RBFOX1: variants seen among roughly 807,000 people sequenced by gnomAD.
The protein encoded by RBFOX1 is RNA binding protein fox-1 homolog 1.
A neutral mutation model predicts 57.7 loss-of-function variants in RBFOX1; 8 were observed. That is an observed-to-expected ratio of 0.14 (90% confidence interval 0.08 to 0.25). The LOEUF (loss-of-function observed/expected upper bound fraction) is 0.25. Ranked by LOEUF, RBFOX1 falls within the 10% of genes least tolerant of loss-of-function variation. The probability of loss-of-function intolerance (pLI) is 1.00; values close to 1 mark genes in which losing one functional copy is unlikely to be tolerated. For missense variants in RBFOX1, 611 were observed against 548.5 expected (o/e 1.11, Z -1.14); for synonymous variants, 326 against 222.4 (o/e 1.47, Z -4.15).
intron 2 of RBFOX1, among the ~76,000 whole-genome samples, chr16:6,620,356 G>C (rs762275269): frequency 6.6e-6 from 1 of 152,132 alleles, no homozygotes; most frequent in South Asian, 2.1e-4. Context: ...AGTGTTAAGA[G>C]GGAAATGTAT....
At chr16:6,135,100 G>A (rs1428677993) in intron 1 of RBFOX1, among the ~76,000 whole-genome samples, 7 of 152,068 alleles carry the variant, frequency 4.6e-5, no homozygotes, top group Admixed American at 4.6e-4. Flanking sequence ...GTGGTGTTTG[G>A]TATTTTGTCC....
chr16:5,695,669 G>T (rs939288833), intron 3 of RBFOX1, among the ~76,000 whole-genome samples: 6 of 152,176 alleles, frequency 3.9e-5, no homozygotes, highest in Admixed American at 3.9e-4. Flanking sequence ...GAAAAGAAAA[G>T]AAATTGCACC....
rs369556481 is a variant in RBFOX1 at position 6,890,284 on chromosome 16, C to T, written c.-15-161773C>T. ...CTGTAATCCTGGCACTTTGGGAGGC[C>T]GAGGCAGGTGGATTGCTTGAGGTCA... is the stretch of plus-strand genomic sequence containing the variant. On this transcript the variant is annotated intron_variant, in intron 3 of 15. Coordinates refer to ENST00000550418, the MANE Select transcript of RBFOX1 (RefSeq NM_018723.4). 8.5e-5 allele frequency among the ~76,000 whole-genome samples: 13 copies of T among 152,158 alleles called. 2 individuals carry two copies. Among genetic ancestry groups the T allele is most frequent in the East Asian group, 1.9e-4 (1 of 5,166 alleles).
chr16:7,204,208 A>T (rs770036807), intron 4 of RBFOX1, among the ~76,000 whole-genome samples: 1 of 152,176 alleles, frequency 6.6e-6, no homozygotes, highest in Admixed American at 6.5e-5. Context: ...TCAATGAACC[A>T]TCTCATCCTA....
intron 11 of RBFOX1, among the ~76,000 whole-genome samples, chr16:7,650,566 C>T (rs1568282812): frequency 6.6e-6 from 1 of 151,620 alleles, no homozygotes. Context: ...CACGTGCTCC[C>T]CTCTCTCTCT....
chr16:7,133,285 C>T (rs1041213962), intron 4 of RBFOX1, among the ~76,000 whole-genome samples: 3 of 152,026 alleles, frequency 2.0e-5, no homozygotes, highest in Non-Finnish European at 4.4e-5. Context: ...GTATATAAGC[C>T]ATGGAGAGTA....
intron 2 of RBFOX1, among the ~76,000 whole-genome samples, chr16:6,359,417 G>C (rs1315209474): frequency 6.6e-6 from 1 of 152,110 alleles, no homozygotes; most frequent in Non-Finnish European, 1.5e-5. Flanking sequence ...TTGACTGTTG[G>C]TGATCTTCAT....
At chr16:5,967,634 T>TAA (rs1437530125) in intron 4 of RBFOX1, among the ~76,000 whole-genome samples, 1 of 152,228 alleles carries the variant, frequency 6.6e-6, no homozygotes, top group Non-Finnish European at 1.5e-5. Context: ...ATCCATGTTT[T>TAA]ACACTTCAGG....
intron 3 of RBFOX1, among the ~76,000 whole-genome samples, chr16:5,672,754 T>G (rs1239605348): frequency 6.6e-6 from 1 of 152,130 alleles, no homozygotes. Flanking sequence ...TGCCTGTAAT[T>G]TGTGTGGCTC....
At chr16:5,984,023 T>G (rs1220687057) in intron 4 of RBFOX1, among the ~76,000 whole-genome samples, 1 of 134,470 alleles carries the variant, frequency 7.4e-6, no homozygotes, top group East Asian at 2.3e-4. Flanking sequence ...CTTTTCTTCC[T>G]TCTTCCTTCT....
intron 11 of RBFOX1, 75 bp from the exon 12 acceptor site, chr16:7,653,740 G>A (rs2065630824): frequency 3.8e-6 from 6 of 1,589,820 alleles, no homozygotes; most frequent in East Asian, 2.2e-5. Flanking sequence ...AAGGGTTCCC[G>A]GGGCAGTTCC....
intron 3 of RBFOX1, among the ~76,000 whole-genome samples, chr16:5,659,549 C>T (rs570114911): frequency 5.1e-4 from 78 of 152,050 alleles, no homozygotes; most frequent in Middle Eastern, 6.8e-3. Context: ...GTGATCCGTC[C>T]GCCTCGGCCT....
At chr16:5,898,979 C>G (rs2058236977) in intron 4 of RBFOX1, among the ~76,000 whole-genome samples, 1 of 151,314 alleles carries the variant, frequency 6.6e-6, no homozygotes, top group Non-Finnish European at 1.5e-5. Context: ...GAGAGGATCA[C>G]TTGAGCCCAG....
chr16:6,268,492 C>A (rs1433035534), intron 1 of RBFOX1, among the ~76,000 whole-genome samples: 1 of 152,158 alleles, frequency 6.6e-6, no homozygotes, highest in Non-Finnish European at 1.5e-5. Flanking sequence ...CCAGCATAGA[C>A]CTCCTGAATC....
intron 2 of RBFOX1, among the ~76,000 whole-genome samples, chr16:6,602,393 C>G (rs2097863656): frequency 6.6e-6 from 1 of 152,132 alleles, no homozygotes; most frequent in East Asian, 1.9e-4. Flanking sequence ...ATAAGGAAAA[C>G]AGCAAACCGT....
At chr16:6,002,044 G>C (rs989632839) in intron 4 of RBFOX1, among the ~76,000 whole-genome samples, 2 of 150,488 alleles carry the variant, frequency 1.3e-5, no homozygotes, top group African/African-American at 4.9e-5. Context: ...TCAGCCCCTG[G>C]GCTGAAATCT....
chr16:7,598,289 A>T (rs2094814976), intron 9 of RBFOX1, among the ~76,000 whole-genome samples: 1 of 151,972 alleles, frequency 6.6e-6, no homozygotes, highest in Non-Finnish European at 1.5e-5. Context: ...CATAATTAAA[A>T]AATTGACATA....
chr16:7,011,668 C>G (rs1027392876), intron 3 of RBFOX1, among the ~76,000 whole-genome samples: 9 of 152,152 alleles, frequency 5.9e-5, no homozygotes, highest in African/African-American at 2.2e-4. Context: ...TGCCTGCCAC[C>G]ATGCTCGGCT....
At chr16:7,078,443 A>G (rs1482272129) in intron 4 of RBFOX1, among the ~76,000 whole-genome samples, 1 of 151,810 alleles carries the variant, frequency 6.6e-6, no homozygotes, top group Non-Finnish European at 1.5e-5. Flanking sequence ...CGCCTCCCGG[A>G]TTCAAGCGGT....
Sources: allele counts gnomAD v4.1 joint callset (sites outside exome capture counted in the v4.1 genomes callset), GRCh38; gene constraint gnomAD v4.1.1; transcripts MANE v1.5; gene names NCBI Gene and HGNC (gene_info 2026-07-23, HGNC 2026-07-21).